Variants in ZBTB40 observed in about 807,000 individuals in gnomAD.
The protein encoded by ZBTB40 is zinc finger and BTB domain containing 40.
Under a neutral mutation model 117.5 loss-of-function variants are expected in ZBTB40, and 60 were observed. The observed-to-expected ratio is 0.51, with a 90% CI of 0.41 to 0.63. The LOEUF (loss-of-function observed/expected upper bound fraction) is 0.63, where lower values mean the gene tolerates loss of function less well. ZBTB40 is among the 30% of genes least tolerant of loss of function. The probability of loss-of-function intolerance (pLI) is 0.00; values close to 1 mark genes in which losing one functional copy is unlikely to be tolerated. For synonymous variants in ZBTB40, 525 were observed against 577.1 expected, an observed-to-expected ratio of 0.91 and a Z score of 1.29; for missense variants, 1,287 against 1,498.5, an observed-to-expected ratio of 0.86 and a Z score of 2.33.
intron 14 of ZBTB40, 65 bp downstream of exon 14, chr1:22,520,340 C>G (rs1434567099): frequency 7.3e-7 from 1 of 1,375,310 alleles, no homozygotes; most frequent in African/African-American, 1.4e-5. Flanking sequence ...TTGATCTTCC[C>G]TGATGCCCGG....
At chr1:22,429,802 G>C (rs1640553953) in intron 1 of ZBTB40, among the ~76,000 whole-genome samples, 1 of 152,166 alleles carries the variant, frequency 6.6e-6, no homozygotes, top group Admixed American at 6.5e-5. Context: ...AGACCAGTCT[G>C]ACCAACATGG....
At chr1:22,522,560 A>T in intron 16 of ZBTB40, 97 bp downstream of exon 16, 2 of 1,157,404 alleles carry the variant, frequency 1.7e-6, no homozygotes, top group Admixed American at 3.4e-5. Flanking sequence ...ATCGCTTAAC[A>T]AACCTGTGCC....
intron 1 of ZBTB40, among the ~76,000 whole-genome samples, chr1:22,470,012 A>C (rs1399582420): frequency 1.3e-5 from 2 of 152,238 alleles, no homozygotes; most frequent in African/African-American, 4.8e-5. Flanking sequence ...TAACCAGCCT[A>C]GTGCTTCAGC....
At chr1:22,466,364 G>A (rs1267781388) in intron 1 of ZBTB40, among the ~76,000 whole-genome samples, 1 of 152,164 alleles carries the variant, frequency 6.6e-6, no homozygotes, top group East Asian at 1.9e-4. Flanking sequence ...AGGTTTTTGA[G>A]TGGATCCATG....
chr1:22,433,602 A>C (rs2124360799), intron 1 of ZBTB40, among the ~76,000 whole-genome samples: 1 of 148,302 alleles, frequency 6.7e-6, no homozygotes, highest in African/African-American at 2.5e-5. Flanking sequence ...CAGGGACTTG[A>C]GCATCCATGG....
intron 5 of ZBTB40, among the ~76,000 whole-genome samples, chr1:22,505,070 A>C (rs1639042260): frequency 6.6e-6 from 1 of 152,188 alleles, no homozygotes. Context: ...ATATAAAACC[A>C]ATTTGGTTTT....
intron 1 of ZBTB40, among the ~76,000 whole-genome samples, chr1:22,463,253 G>A (rs1315221389): frequency 2.6e-5 from 4 of 152,122 alleles, no homozygotes; most frequent in African/African-American, 7.2e-5. Flanking sequence ...GCACATAGCC[G>A]CTGGCATCAC....
intron 1 of ZBTB40, among the ~76,000 whole-genome samples, chr1:22,485,833 C>T (rs551289102): frequency 3.3e-5 from 5 of 152,244 alleles, no homozygotes; most frequent in African/African-American, 1.2e-4. Flanking sequence ...TACTAATGAG[C>T]TCATCAAAGG....
At position 22,503,429 on chromosome 1, in the gene ZBTB40, G is replaced by A. The variant is rs1289285820; in HGVS notation, c.1167+988G>A. ...CTAAAAATACTTTTATATCTGGAAG[G>A]AAGGAATAGGGATAGAGTACTTTTG... On this transcript the variant is annotated intron_variant, in intron 5 of 17. Coordinates refer to ENST00000375647, the MANE Select transcript of ZBTB40 (RefSeq NM_014870.4). 3.3e-5 allele frequency among the ~76,000 whole-genome samples: 5 copies of A among 151,888 alleles called. No homozygotes were observed. The East Asian group carries it at 9.7e-4, about 29-fold the overall frequency.
intron 7 of ZBTB40, 26 bp downstream of exon 7, chr1:22,508,163 A>G: frequency 6.2e-7 from 1 of 1,608,680 alleles, no homozygotes; most frequent in Non-Finnish European, 8.5e-7. Context: ...AAACAGAGGG[A>G]GGGGAGGGTA....
chr1:22,515,639 T>C (rs2124464384), intron 12 of ZBTB40, among the ~76,000 whole-genome samples: 1 of 152,296 alleles, frequency 6.6e-6, no homozygotes, highest in African/African-American at 2.4e-5. Flanking sequence ...CTCCCTCTTA[T>C]GAGGACCCTT....
At chr1:22,482,663 AC>A (rs78710406) in intron 1 of ZBTB40, among the ~76,000 whole-genome samples, 8,561 of 151,878 alleles carry the variant, frequency 0.056, 762 homozygotes, top group East Asian at 0.38. Context: ...CTCTCCTCTA[AC>A]CCCTGGCGAT....
At chr1:22,512,644 C>T (rs1028644938) in intron 11 of ZBTB40, among the ~76,000 whole-genome samples, 5 of 152,100 alleles carry the variant, frequency 3.3e-5, no homozygotes, top group Non-Finnish European at 7.4e-5. Context: ...GTGGCAGGGT[C>T]CTATTTAAGA....
At chr1:22,435,895 C>T (rs556639019) in intron 1 of ZBTB40, among the ~76,000 whole-genome samples, 1 of 143,790 alleles carries the variant, frequency 7.0e-6, no homozygotes, top group Admixed American at 7.2e-5. Context: ...ATAGTGAAAC[C>T]CCATCTTTAC....
intron 5 of ZBTB40, 132 bp from the exon 6 acceptor site, chr1:22,505,917 G>A: frequency 1.2e-6 from 1 of 865,550 alleles, no homozygotes; most frequent in Non-Finnish European, 1.9e-6. Context: ...AAAAAGTAAT[G>A]CTAGAGACCA....
In ZBTB40 at chr1:22,508,063, G is replaced by C; in HGVS notation, c.1423G>C (p.Glu475Gln). Residue 475 changes from glutamate (E) to glutamine (Q), a missense_variant, in exon 7 of 18, where the codon GAG becomes CAG. Physicochemically the swap from Glu to Gln is conservative, Grantham distance 29. This residue lies in a region of ZBTB40 where 870 missense variants were observed against 934.4 expected (regional missense o/e 0.93). Coordinates refer to ENST00000375647, the MANE Select transcript of ZBTB40 (RefSeq NM_014870.4). ...LLRRYHENLS[E>Q]IFTDNQILLK... Reference sequence around the variant, plus strand: ...GAGACGCTATCATGAAAACCTCTCTGAGATTTTCACAGACAACCAGATTTT... The same window carrying C: ...GAGACGCTATCATGAAAACCTCTCTCAGATTTTCACAGACAACCAGATTTT... 3.1e-6 allele frequency: 5 copies of C among 1,614,156 alleles called. No homozygotes were observed. The highest frequency in any genetic ancestry group is 4.2e-6 in the Non-Finnish European group (5 of 1,180,046).
Position 22,513,247 on chromosome 1 carries a change from G to T in ZBTB40, c.2668+117G>T. On this transcript the variant is annotated intron_variant, in intron 12 of 17. Coordinates refer to ENST00000375647, the MANE Select transcript of ZBTB40 (RefSeq NM_014870.4). The surrounding 1 kb of genome is among the most constrained non-coding windows in gnomAD (Gnocchi z 4.9). ...CAAAACAATTTGATAGCACAACAGG[G>T]TGACTAAAGTCAATAATAACTTAAT... is the stretch of plus-strand genomic sequence containing the variant. 1 of 1,094,768 alleles carries T rather than the reference G, an allele frequency of 9.1e-7. No homozygotes were observed. The highest frequency in any genetic ancestry group is 1.3e-6 in the Non-Finnish European group (1 of 743,804). The allele number at this position is 1,094,768 out of a possible 1,614,324, so 67.8% of individuals were successfully genotyped here. A position where few individuals can be genotyped will look rare whatever the true frequency, so the allele number is the denominator to read the frequency against.
At chr1:22,491,275 TGATGTGCTAGACAGA>T (rs1638624241) in intron 2 of ZBTB40, 110 bp from the exon 3 acceptor site, 8 of 938,218 alleles carry the variant, frequency 8.5e-6, no homozygotes, top group African/African-American at 6.5e-5. Flanking sequence ...TATTCATAAC[TGATGTGCTAGACAGA>T]GATCAGTTAA....
intron 16 of ZBTB40, among the ~76,000 whole-genome samples, chr1:22,523,751 C>T (rs1451271831): frequency 6.6e-6 from 1 of 152,238 alleles, no homozygotes; most frequent in Non-Finnish European, 1.5e-5. Context: ...GATGCCCATT[C>T]TGCAAGTCTT....
Sources: allele counts gnomAD v4.1 joint callset (sites outside exome capture counted in the v4.1 genomes callset), GRCh38; gene constraint gnomAD v4.1.1; regional missense constraint gnomAD v4.1.1; non-coding constraint Gnocchi (gnomAD v3.1); transcripts MANE v1.5; gene names NCBI Gene and HGNC (gene_info 2026-07-23, HGNC 2026-07-21).